Variants in SUMF1 observed in about 807,000 individuals in gnomAD.
The protein encoded by SUMF1 is sulfatase modifying factor 1, also known as formylglycine-generating enzyme.
A neutral mutation model predicts 47.6 loss-of-function variants in SUMF1; 48 were observed. The observed-to-expected ratio is 1.01, with a 90% CI of 0.80 to 1.28. SUMF1 has a LOEUF of 1.28. SUMF1 is among the 50% of genes most tolerant of loss of function. The pLI is 0.00. For missense variants in SUMF1, 571 were observed against 485.4 expected (o/e 1.18, Z -1.66); for synonymous variants, 230 against 192.1 (o/e 1.20, Z -1.63).
intron 9 of SUMF1, among the ~76,000 whole-genome samples, chr3:4,038,492 C>T (rs988503045): frequency 1.3e-5 from 2 of 152,166 alleles, no homozygotes; most frequent in East Asian, 1.9e-4. Flanking sequence ...CAGTTGCTCC[C>T]GGGGGATCCG....
intron 8 of SUMF1, among the ~76,000 whole-genome samples, chr3:4,369,499 G>A (rs1241132273): frequency 6.6e-6 from 1 of 152,168 alleles, no homozygotes; most frequent in African/African-American, 2.4e-5. Flanking sequence ...AGGGCCCCAT[G>A]CAGCCAAGCA....
chr3:4,046,992 C>A (rs1236305387), intron 9 of SUMF1, among the ~76,000 whole-genome samples: 2 of 152,078 alleles, frequency 1.3e-5, no homozygotes, highest in African/African-American at 4.8e-5. Flanking sequence ...ACCACTAACA[C>A]CCTAGCTCAC....
chr3:4,232,778 C>T (rs1310090432), intron 8 of SUMF1, among the ~76,000 whole-genome samples: 3 of 151,950 alleles, frequency 2.0e-5, no homozygotes, highest in Non-Finnish European at 4.4e-5. Context: ...ATTCTCAGCA[C>T]CTTAGATGTC....
At chr3:4,114,538 G>T (rs1693380073) in intron 8 of SUMF1, among the ~76,000 whole-genome samples, 1 of 152,010 alleles carries the variant, frequency 6.6e-6, no homozygotes, top group Non-Finnish European at 1.5e-5. Flanking sequence ...ACTATTATTT[G>T]CATTTTATAA....
intron 2 of SUMF1, among the ~76,000 whole-genome samples, chr3:4,451,225 TATC>T (rs1251407981): frequency 2.0e-5 from 3 of 150,094 alleles, no homozygotes; most frequent in East Asian, 1.9e-4. Flanking sequence ...GTCTCATAAT[TATC>T]ATATTTCAAA....
chr3:4,431,368 G>T (rs1296123073), intron 3 of SUMF1, among the ~76,000 whole-genome samples: 1 of 152,130 alleles, frequency 6.6e-6, no homozygotes, highest in Non-Finnish European at 1.5e-5. Context: ...CCTTTGAGTG[G>T]TGTCTTTGCT....
chr3:4,222,930 G>A (rs2125176485), intron 8 of SUMF1, among the ~76,000 whole-genome samples: 1 of 152,152 alleles, frequency 6.6e-6, no homozygotes, highest in East Asian at 1.9e-4. Flanking sequence ...ATGGCAGAGT[G>A]GTTTCTTCCA....
At chr3:4,408,569 T>C (rs1701444079) in intron 7 of SUMF1, among the ~76,000 whole-genome samples, 1 of 152,218 alleles carries the variant, frequency 6.6e-6, no homozygotes, top group East Asian at 1.9e-4. Flanking sequence ...GTCCCACATC[T>C]GTACTCCCAG....
intron 8 of SUMF1, among the ~76,000 whole-genome samples, chr3:4,367,040 T>G (rs890003384): frequency 3.9e-5 from 6 of 152,178 alleles, no homozygotes; most frequent in Non-Finnish European, 8.8e-5. Flanking sequence ...CAGATTTTTG[T>G]GAACCGCGAA....
At chr3:4,350,157 C>T (rs1025800716) in intron 8 of SUMF1, among the ~76,000 whole-genome samples, 3 of 151,878 alleles carry the variant, frequency 2.0e-5, no homozygotes, top group East Asian at 1.9e-4. Context: ...TGCACCACCA[C>T]GCCAGGCTAA....
intron 8 of SUMF1, among the ~76,000 whole-genome samples, chr3:4,265,704 C>T (rs888687984): frequency 2.6e-5 from 4 of 152,118 alleles, no homozygotes; most frequent in African/African-American, 7.2e-5. Flanking sequence ...ATGGTAGTTT[C>T]TTTTGCTGTG....
chr3:4,324,905 T>C (rs762238262), intron 8 of SUMF1, among the ~76,000 whole-genome samples: 2 of 152,040 alleles, frequency 1.3e-5, no homozygotes, highest in Non-Finnish European at 2.9e-5. Context: ...CAAAACTGGG[T>C]AATTTATAAA....
intron 7 of SUMF1, among the ~76,000 whole-genome samples, chr3:4,400,228 A>C (rs1213508340): frequency 6.6e-6 from 1 of 152,234 alleles, no homozygotes; most frequent in Non-Finnish European, 1.5e-5. Flanking sequence ...GCCAAGAAAG[A>C]CAGGCTTTCA....
chr3:4,313,434 G>A, intron 8 of SUMF1: 2 of 1,613,986 alleles, frequency 1.2e-6, no homozygotes, highest in Non-Finnish European at 1.7e-6. Flanking sequence ...CAAACCTTTT[G>A]ATGATTCCTG....
At chr3:4,150,929 C>A (rs1694304906) in intron 8 of SUMF1, among the ~76,000 whole-genome samples, 1 of 151,422 alleles carries the variant, frequency 6.6e-6, no homozygotes. Context: ...CCAAAACGGC[C>A]AGCAAACTCT....
chr3:4,178,404 T>C (rs1441855418), intron 8 of SUMF1, among the ~76,000 whole-genome samples: 1 of 152,136 alleles, frequency 6.6e-6, no homozygotes, highest in Admixed American at 6.6e-5. Flanking sequence ...AATGAATAAA[T>C]GTAATCCATC....
At chr3:4,073,882 T>C (rs1692351723) in intron 8 of SUMF1, among the ~76,000 whole-genome samples, 1 of 152,034 alleles carries the variant, frequency 6.6e-6, no homozygotes, top group East Asian at 1.9e-4. Context: ...TCCTACACAA[T>C]AATAATGGGA....
chr3:4,353,707 C>T (rs892127422), intron 8 of SUMF1, among the ~76,000 whole-genome samples: 1 of 151,942 alleles, frequency 6.6e-6, no homozygotes, highest in Non-Finnish European at 1.5e-5. Flanking sequence ...ACTCACAGGC[C>T]CCCTGAAAGG....
intron 8 of SUMF1, among the ~76,000 whole-genome samples, chr3:4,090,801 C>A (rs1407261380): frequency 1.3e-5 from 2 of 152,044 alleles, no homozygotes; most frequent in African/African-American, 2.4e-5. Context: ...TTTTATCATT[C>A]TTTCTTAAAT....
Sources: allele counts gnomAD v4.1 joint callset (sites outside exome capture counted in the v4.1 genomes callset), GRCh38; gene constraint gnomAD v4.1.1; transcripts MANE v1.5; gene names NCBI Gene and HGNC (gene_info 2026-07-23, HGNC 2026-07-21).